DYNC2I1: variants seen among roughly 807,000 people sequenced by gnomAD.
DYNC2I1 encodes the protein dynein 2 intermediate chain 1, also known as cytoplasmic dynein 2 intermediate chain 1.
In DYNC2I1, 89 loss-of-function variants were observed where a neutral mutation model predicts 133.4. The ratio of observed to expected loss-of-function variants is 0.67; its 90% CI spans 0.56 to 0.80. The LOEUF (loss-of-function observed/expected upper bound fraction) is 0.80. DYNC2I1 is among the 30% of genes least tolerant of loss of function. DYNC2I1 has a pLI of 0.00. For missense variants in DYNC2I1, 1,291 were observed against 1,314.5 expected, an observed-to-expected ratio of 0.98 and a Z score of 0.28; for synonymous variants, 504 against 484.3, an observed-to-expected ratio of 1.04 and a Z score of -0.54.
At chr7:158,876,477 T>A (rs1843366918) in intron 3 of DYNC2I1, 132 bp from the exon 4 acceptor site, 1 of 1,173,816 alleles carries the variant, frequency 8.5e-7, no homozygotes, top group African/African-American at 1.6e-5. Flanking sequence ...GGCATGTGTT[T>A]TAGTTGAAGA....
At chr7:158,954,839 A>C (rs1852160251) in intron 4 of DYNC2I1, among the ~76,000 whole-genome samples, 2 of 152,214 alleles carry the variant, frequency 1.3e-5, no homozygotes, top group African/African-American at 4.8e-5. Context: ...AAATCTGTTT[A>C]TGACATGAAA....
downstream of DYNC2I1, among the ~76,000 whole-genome samples, chr7:158,948,948 G>A (rs1214014459): frequency 2.0e-5 from 3 of 152,192 alleles, no homozygotes; most frequent in African/African-American, 7.2e-5. Context: ...AGGAGACACG[G>A]CCCTCCTACT....
chr7:158,905,609 TG>T (rs1280943729), intron 10 of DYNC2I1, among the ~76,000 whole-genome samples: 2 of 152,244 alleles, frequency 1.3e-5, no homozygotes, highest in Non-Finnish European at 2.9e-5. Flanking sequence ...AATTTGCACT[TG>T]TTTCTGTTTT....
At chr7:158,922,914 A>AGAGGTTTCTTAGACTGCGTG (rs1050702307) in intron 16 of DYNC2I1, among the ~76,000 whole-genome samples, 2 of 152,002 alleles carry the variant, frequency 1.3e-5, no homozygotes, top group Non-Finnish European at 2.9e-5. Context: ...TGAGTGTTTT[A>AGAGGTTTCTTAGACTGCGTG]GAGGTTTCTT....
chr7:158,863,899 T>A (rs1446462821), intron 1 of DYNC2I1, among the ~76,000 whole-genome samples: 2 of 21,418 alleles, frequency 9.3e-5, no homozygotes, highest in Non-Finnish European at 1.7e-4. Flanking sequence ...GCTCCGTGTG[T>A]GGGGGTGGGG....
chr7:158,924,320 G>A (rs1023874037), intron 17 of DYNC2I1, among the ~76,000 whole-genome samples: 1 of 152,220 alleles, frequency 6.6e-6, no homozygotes, highest in Non-Finnish European at 1.5e-5. Context: ...CGACATGGTC[G>A]GGCCTGCACT....
At chr7:158,887,128 C>T (rs1299106772) in intron 7 of DYNC2I1, 53 bp downstream of exon 7, 3 of 1,559,926 alleles carry the variant, frequency 1.9e-6, no homozygotes, top group African/African-American at 1.4e-5. Context: ...TTGAGATTAA[C>T]CATAATCTTA....
intron 3 of DYNC2I1, among the ~76,000 whole-genome samples, chr7:158,872,794 C>A (rs1843000143): frequency 6.6e-6 from 1 of 152,046 alleles, no homozygotes; most frequent in Non-Finnish European, 1.5e-5. Flanking sequence ...GCCAGGAGTT[C>A]AAGACCAGTC....
At chr7:158,906,198 T>C in intron 11 of DYNC2I1, 107 bp downstream of exon 11, 1 of 972,450 alleles carries the variant, frequency 1.0e-6, no homozygotes, top group African/African-American at 1.6e-5. Flanking sequence ...ACTACTGTTT[T>C]TTGGGGTGTA....
chr7:158,867,890 C>T (rs1159305035), intron 1 of DYNC2I1, among the ~76,000 whole-genome samples: 5 of 152,300 alleles, frequency 3.3e-5, no homozygotes, highest in Admixed American at 3.3e-4. Flanking sequence ...ACCCCGTCCT[C>T]CTCATCAGAA....
rs780344639 is a variant in DYNC2I1, at chr7:158,911,536, A to C, written c.1461-14A>C. On this transcript the variant is annotated splice_polypyrimidine_tract_variant and intron_variant, in intron 11 of 24. Transcript: ENST00000407559. ...TCGAGTTAATTTTTGTCTTGTTTCC[A>C]ATTTATTTCAAAGGATGCGAAGTAC... The C allele has an allele frequency of 7.2e-5, 116 of 1,608,186 alleles. No homozygotes were observed. In the East Asian group the frequency reaches 2.2e-3, roughly 31 times the overall value.
the DYNC2I1 span, among the ~76,000 whole-genome samples, chr7:158,844,855 A>G: frequency 1.3e-5 from 2 of 152,180 alleles, no homozygotes; most frequent in Non-Finnish European, 2.9e-5. Flanking sequence ...TCCCGACCTC[A>G]GGTGATCCAC....
At position 158,871,174 on chromosome 7, in the gene DYNC2I1, A is replaced by C. The variant is rs768720125; in HGVS notation, c.102A>C (p.Arg34Ser). The C allele has an allele frequency of 3.7e-6, 6 of 1,613,540 alleles. No homozygotes were observed. The South Asian group carries it at 5.5e-5, about 15-fold the overall frequency. Residue 34 changes from arginine (R) to serine (S), a missense_variant, in exon 3 of 25, where the codon AGA becomes AGC. By Grantham distance (110) the Arg-to-Ser change is moderately radical (BLOSUM62 -1). Coordinates refer to ENST00000407559, the MANE Select transcript of DYNC2I1 (RefSeq NM_018051.5). ...AGTCAGGTGGTTCCAAGGAAGAAAG[A>C]AAGCACAGAGAGAAGAAGCTGCGTA... is the stretch of plus-strand genomic sequence containing the variant. ...AIQSGGSKEE[R>S]KHREKKLRKE... is the part of the protein sequence containing the mutation.
At chr7:158,882,194 T>C (rs1481524191) in intron 5 of DYNC2I1, among the ~76,000 whole-genome samples, 1 of 152,212 alleles carries the variant, frequency 6.6e-6, no homozygotes, top group African/African-American at 2.4e-5. Context: ...TTCTAGGTGC[T>C]GAGGATACAG....
chr7:158,944,069 G>A (rs531007975), intron 24 of DYNC2I1, among the ~76,000 whole-genome samples: 46 of 152,318 alleles, frequency 3.0e-4, no homozygotes, highest in African/African-American at 1.1e-3. Flanking sequence ...AGAAACGGAT[G>A]TTTGGAAGGA....
intron 23 of DYNC2I1, among the ~76,000 whole-genome samples, chr7:158,937,190 G>A (rs890850594): frequency 6.6e-6 from 1 of 152,164 alleles, no homozygotes; most frequent in African/African-American, 2.4e-5. Flanking sequence ...TTAACAAAGA[G>A]ATTGAAATAA....
Position 158,923,590 on chromosome 7 carries a change from G to A in DYNC2I1, c.2114G>A (p.Ser705Asn), listed in dbSNP as rs1303096324. Residue 705 changes from serine (S) to asparagine (N), a missense_variant, in exon 17 of 25, where the codon AGC becomes AAC. Transcript: ENST00000407559. ...TTTTAGGTCACGTGTTGCTGCTTGA[G>A]CCCTTTGAAAGCATTTTTACTGTTT... ...CESQVTCCCL[S>N]PLKAFLLFAG... The A allele has an allele frequency of 1.2e-6, 2 of 1,613,988 alleles. No individual in the cohort carries two copies. Among genetic ancestry groups the A allele is most frequent in the East Asian group, 4.5e-5 (2 of 44,890 alleles).
the DYNC2I1 span, among the ~76,000 whole-genome samples, chr7:158,842,133 A>T: frequency 6.6e-6 from 1 of 152,174 alleles, no homozygotes; most frequent in Non-Finnish European, 1.5e-5. Flanking sequence ...GATTCAAGCG[A>T]TTCTCCTGCC....
downstream of DYNC2I1, among the ~76,000 whole-genome samples, chr7:158,948,412 C>T (rs771992385): frequency 3.9e-4 from 59 of 152,236 alleles, no homozygotes; most frequent in Non-Finnish European, 7.8e-4. Flanking sequence ...TTTCTTTCAA[C>T]ATTTGCCACA....
Sources: allele counts gnomAD v4.1 joint callset (sites outside exome capture counted in the v4.1 genomes callset), GRCh38; gene constraint gnomAD v4.1.1; transcripts MANE v1.5; gene names NCBI Gene and HGNC (gene_info 2026-07-23, HGNC 2026-07-21).